Variants in EYA1 observed in about 807,000 individuals in gnomAD.
EYA1 encodes EYA transcriptional coactivator and phosphatase 1, also known as protein phosphatase EYA1.
In EYA1, 16 loss-of-function variants were observed where a neutral mutation model predicts 82.0. That is an observed-to-expected ratio of 0.20 (90% CI 0.13 to 0.30). The LOEUF (loss-of-function observed/expected upper bound fraction) is 0.30. Among genes scored for constraint, EYA1 ranks in the 10% least tolerant of loss-of-function variants. The pLI is 1.00. For missense variants in EYA1, 633 were observed against 730.7 expected, an observed-to-expected ratio of 0.87 and a Z score of 1.54; for synonymous variants, 261 against 264.4, an observed-to-expected ratio of 0.99 and a Z score of 0.12.
intron 2 of EYA1, among the ~76,000 whole-genome samples, chr8:71,433,645 G>A (rs1805792434): frequency 6.6e-6 from 1 of 152,224 alleles, no homozygotes; most frequent in Admixed American, 6.5e-5. Flanking sequence ...GTAAGTGCAG[G>A]AGTGGCAATT....
rs769657024 is a variant in EYA1, at chr8:71,216,807, A to C, written c.1245T>G (p.Ser415Arg). ...GTDGFPAAAT[S>R]ANLCLATGVR... The stretch of plus-strand genomic sequence containing the variant: ...CACCAGTTGCCAAACATAAGTTAGC[A>C]CTGGTTGCTGCAGCAGGAAAGCCAT... The change falls in exon 14 of 18, where the codon AGT becomes AGG. Residue 415 changes from serine to arginine, a missense_variant. Physicochemically the swap from Ser to Arg is moderately radical, Grantham distance 110 (BLOSUM62 -1). Coordinates refer to ENST00000340726, the MANE Select transcript of EYA1 (RefSeq NM_000503.6). The C allele has an allele frequency of 3.7e-6, 6 of 1,614,132 alleles. No individual in the cohort carries two copies.
intron 2 of EYA1, among the ~76,000 whole-genome samples, chr8:71,509,098 G>A (rs921804501): frequency 6.6e-6 from 1 of 151,932 alleles, no homozygotes; most frequent in South Asian, 2.1e-4. Context: ...GGTGCCTGCT[G>A]TGGTCCCAGT....
chr8:71,426,567 G>A (rs961659326), intron 2 of EYA1, among the ~76,000 whole-genome samples: 14 of 152,226 alleles, frequency 9.2e-5, no homozygotes, highest in Non-Finnish European at 2.1e-4. Flanking sequence ...GGGAGCATTC[G>A]TGGTTTGCCT....
In EYA1 at chr8:71,415,400, C is replaced by T. The variant is rs567934648; in HGVS notation, c.34-58889G>A. On this transcript the variant is annotated intron_variant, in intron 2 of 18. Transcript: ENST00000643681. ...ATAACCCCATGGAGTAAGCACTACT[C>T]TTACTGCCATGTTACAGGTTCCCAC... 7.9e-5 allele frequency among the ~76,000 whole-genome samples: 12 copies of T among 152,316 alleles called. No individual in the cohort carries two copies. In the South Asian group the frequency reaches 2.5e-3, roughly 32 times the overall value.
chr8:71,328,265 C>T (rs938790277), intron 4 of EYA1, among the ~76,000 whole-genome samples: 4 of 152,074 alleles, frequency 2.6e-5, no homozygotes, highest in Admixed American at 6.5e-5. Context: ...TTTTACAAAC[C>T]GTAAGCCCTG....
At chr8:71,511,106 T>G (rs1750197024) in intron 2 of EYA1, among the ~76,000 whole-genome samples, 2 of 152,128 alleles carry the variant, frequency 1.3e-5, no homozygotes, top group African/African-American at 4.8e-5. Flanking sequence ...TCACTTAGTC[T>G]CTTTAAACTG....
intron 2 of EYA1, among the ~76,000 whole-genome samples, chr8:71,462,859 C>A (rs1039012178): frequency 6.6e-6 from 1 of 152,198 alleles, no homozygotes; most frequent in Non-Finnish European, 1.5e-5. Flanking sequence ...GCTCCCATAG[C>A]CACTCCTGGC....
intron 12 of EYA1, among the ~76,000 whole-genome samples, chr8:71,228,737 C>A (rs1810852454): frequency 6.6e-6 from 1 of 152,164 alleles, no homozygotes; most frequent in African/African-American, 2.4e-5. Context: ...CTATTCCAGG[C>A]ACCACACACA....
intron 2 of EYA1, among the ~76,000 whole-genome samples, chr8:71,391,222 A>T (rs34921315): frequency 0.24 from 36,071 of 152,040 alleles, 4,918 homozygotes; most frequent in Middle Eastern, 0.33. Flanking sequence ...ACCTCAAGTG[A>T]TCTGCCCACC....
intron 9 of EYA1, among the ~76,000 whole-genome samples, chr8:71,283,157 C>T (rs6990158): frequency 0.23 from 35,411 of 151,920 alleles, 4,585 homozygotes; most frequent in Admixed American, 0.29. Flanking sequence ...GGCTCCAATG[C>T]CTTATGGGAC....
intron 2 of EYA1, among the ~76,000 whole-genome samples, chr8:71,399,527 T>A (rs1829831989): frequency 6.6e-6 from 1 of 152,156 alleles, no homozygotes; most frequent in African/African-American, 2.4e-5. Context: ...AAATCATGAA[T>A]GAACTCACAT....
chr8:71,405,194 T>C (rs573565754), intron 2 of EYA1, among the ~76,000 whole-genome samples: 1 of 152,162 alleles, frequency 6.6e-6, no homozygotes, highest in African/African-American at 2.4e-5. Context: ...ATTAGCTTAT[T>C]TCCTTTTCTG....
chr8:71,366,348 C>A (rs1262041075), upstream of EYA1, among the ~76,000 whole-genome samples: 1 of 152,030 alleles, frequency 6.6e-6, no homozygotes, highest in Non-Finnish European at 1.5e-5. Context: ...CTTCCTCCTG[C>A]CAAAAAGTAT....
chr8:71,414,487 C>T (rs1020040671), intron 2 of EYA1, among the ~76,000 whole-genome samples: 1 of 152,180 alleles, frequency 6.6e-6, no homozygotes, highest in Non-Finnish European at 1.5e-5. Context: ...CTTTTGACTG[C>T]AGAGAAAGAG....
At chr8:71,468,810 A>G (rs1419422780) in intron 2 of EYA1, among the ~76,000 whole-genome samples, 1 of 152,130 alleles carries the variant, frequency 6.6e-6, no homozygotes, top group East Asian at 1.9e-4. Flanking sequence ...TACAGCATTG[A>G]GTCCATTTAA....
intron 7 of EYA1, among the ~76,000 whole-genome samples, chr8:71,314,574 C>T (rs1821701185): frequency 6.6e-6 from 1 of 152,002 alleles, no homozygotes; most frequent in Admixed American, 6.5e-5. Flanking sequence ...GCATTCCTAA[C>T]CCAAAAATCT....
chr8:71,225,040 A>G, intron 12 of EYA1: 1 of 273,932 alleles, frequency 3.7e-6, no homozygotes, highest in Non-Finnish European at 7.4e-6. Context: ...GCTCCGTGAT[A>G]AAGACCCTCT....
intron 9 of EYA1, among the ~76,000 whole-genome samples, chr8:71,279,233 C>A (rs1210550061): frequency 6.6e-6 from 1 of 152,184 alleles, no homozygotes; most frequent in Non-Finnish European, 1.5e-5. Context: ...GAGCATATCA[C>A]TTCCCTAAAT....
chr8:71,397,424 T>C (rs965397224), intron 2 of EYA1, among the ~76,000 whole-genome samples: 2 of 152,228 alleles, frequency 1.3e-5, no homozygotes, highest in Admixed American at 6.5e-5. Context: ...CAGTGGCTGG[T>C]ACTAGTTGTT....
Sources: gnomAD v4.1 joint callset for allele counts (sites outside exome capture counted in the v4.1 genomes callset) on GRCh38, gnomAD v4.1.1 for gene constraint, MANE v1.5 for transcripts, NCBI Gene and HGNC (gene_info 2026-07-23, HGNC 2026-07-21) for gene names.